The following SIN3B variants were observed in gnomAD, a reference collection of about 807,000 sequenced individuals.
SIN3B encodes the protein SIN3 transcription regulator family member B, also known as paired amphipathic helix protein Sin3b.
In SIN3B, 19 loss-of-function variants were observed where a neutral mutation model predicts 120.2. That is an observed-to-expected ratio of 0.16 (90% CI 0.11 to 0.23). SIN3B has a LOEUF of 0.23. Ranked by LOEUF, SIN3B falls within the 10% of genes least tolerant of loss-of-function variation. The probability of loss-of-function intolerance (pLI) is 1.00; values close to 1 mark genes in which losing one functional copy is unlikely to be tolerated. For synonymous variants in SIN3B, 654 were observed against 653.2 expected (o/e 1.00, Z -0.02); for missense variants, 1,073 against 1,573.0 (o/e 0.68, Z 5.38).
At position 16,862,399 on chromosome 19, in the gene SIN3B, A is replaced by G; in HGVS notation, c.1106A>G (p.Lys369Arg). 6.2e-7 allele frequency: 1 copy of G among 1,614,154 alleles called. No individual in the cohort carries two copies. The highest frequency in any genetic ancestry group is 1.1e-5 in the South Asian group (1 of 91,072). ...FAQFKSFLGV[K>R]ELSFAPPMSD... ...CAGTTCAAGTCCTTCCTGGGGGTAA[A>G]AGAGCTGTCCTTCGCGCCACCCATG... Residue 369 changes from lysine to arginine, a missense_variant, in exon 9 of 19, where the codon AAA becomes AGA. Lys to Arg is a conservative substitution (Grantham distance 26). Around this residue, in one of 7 missense-constraint regions of SIN3B, gnomAD observed 395 missense variants for 528.0 expected, o/e 0.75. Coordinates refer to ENST00000248054, the MANE Select transcript of SIN3B (RefSeq NM_001297595.2). The surrounding 1 kb of genome is among the most constrained non-coding windows in gnomAD (Gnocchi z 4.7).
chr19:16,863,870 C>A, intron 10 of SIN3B, 74 bp downstream of exon 10: 1 of 1,018,596 alleles, frequency 9.8e-7, no homozygotes, highest in African/African-American at 1.6e-5. Flanking sequence ...CATCCTGATC[C>A]TCCTCCACTG....
At chr19:16,866,280 A>C (rs1339237772) in intron 11 of SIN3B, 93 bp from the exon 12 acceptor site, 3 of 1,306,336 alleles carry the variant, frequency 2.3e-6, no homozygotes, top group Non-Finnish European at 3.2e-6. Context: ...CTGGACCCCC[A>C]GTCAAGTCCC....
intron 17 of SIN3B, 65 bp from the exon 18 acceptor site, chr19:16,878,118 A>G: frequency 7.3e-7 from 1 of 1,375,700 alleles, no homozygotes; most frequent in Non-Finnish European, 9.8e-7. Context: ...GGGGTTTCCC[A>G]GCCTGCAAAT....
chr19:16,871,942 C>T (rs1322055379), intron 14 of SIN3B, among the ~76,000 whole-genome samples: 1 of 152,146 alleles, frequency 6.6e-6, no homozygotes, highest in Non-Finnish European at 1.5e-5. Context: ...ATGGAAAAAA[C>T]CTTAACCCAC....
In SIN3B at chr19:16,871,300, G is replaced by T; in HGVS notation, c.2494G>T (p.Asp832Tyr). The T allele has an allele frequency of 6.2e-7, 1 of 1,614,132 alleles. No individual in the cohort carries two copies. Among genetic ancestry groups the T allele is most frequent in the Non-Finnish European group, 8.5e-7 (1 of 1,180,022 alleles). The change falls in exon 14 of 19, where the codon GAC (aspartate) becomes TAC (tyrosine). Residue 832 changes from aspartate to tyrosine, a missense_variant. This residue lies in a region of SIN3B where 24 missense variants were observed against 65.7 expected (regional missense o/e 0.37). Coordinates refer to ENST00000248054, the MANE Select transcript of SIN3B (RefSeq NM_001297595.2). ...GCGGAGCCTGCTGGAGGGCAGCATC[G>T]ACCCCACGCAGTACGAGGACACCCT... The part of the protein sequence containing the change: ...MVRSLLEGSI[D>Y]PTQYEDTLRE...
At chr19:16,875,906 A>G (rs1286462066) in intron 14 of SIN3B, 149 bp from the exon 15 acceptor site, 5 of 974,480 alleles carry the variant, frequency 5.1e-6, no homozygotes, top group East Asian at 5.3e-5. Flanking sequence ...TGGTCTGCCC[A>G]CAGCCTGTCA....
rs552359041 is a variant in SIN3B, at chr19:16,851,382, G to C, written c.727-30G>C. ...GTGCATGGGTCCAGCCACGTCTCCG[G>C]TGCTGACCACCTCCCACATGTGTCC... On this transcript the variant is annotated intron_variant, in intron 5 of 18. Coordinates refer to ENST00000248054, the MANE Select transcript of SIN3B (RefSeq NM_001297595.2). 32 of 1,560,400 alleles carry C rather than the reference G, an allele frequency of 2.1e-5. No homozygotes were observed. In the South Asian group the frequency reaches 3.7e-4, roughly 18 times the overall value.
rs962533504 is a variant in SIN3B, at chr19:16,871,480, C to T, written c.2592+82C>T. On this transcript the variant is annotated intron_variant, in intron 14 of 18. Coordinates refer to ENST00000248054, the MANE Select transcript of SIN3B (RefSeq NM_001297595.2). ...ATTTCACTCCCCGCTCGGGAGGGGG[C>T]CCGTGGTCAGCACAGCAAACCTATC... 7 of 1,358,532 alleles carry T rather than the reference C, an allele frequency of 5.2e-6. No individual in the cohort carries two copies. The Admixed American group carries it at 1.2e-4, about 23-fold the overall frequency. 84.2% of individuals were successfully genotyped at this position (1,358,532 alleles called of 1,614,324 possible). A position where few individuals can be genotyped will look rare whatever the true frequency, so the allele number is the denominator to read the frequency against.
chr19:16,864,559 T>C (rs933468420), intron 10 of SIN3B, among the ~76,000 whole-genome samples: 3 of 151,932 alleles, frequency 2.0e-5, no homozygotes, highest in East Asian at 2.0e-4. Context: ...CTCACACTCC[T>C]GGCCTCAAGC....
intron 14 of SIN3B, chr19:16,872,409 A>G (rs925503281): frequency 4.0e-5 from 6 of 151,362 alleles, no homozygotes; most frequent in African/African-American, 1.2e-4. Context: ...CCTGCCACCC[A>G]TGGACACCCA....
intron 7 of SIN3B, among the ~76,000 whole-genome samples, chr19:16,853,467 C>T (rs1971570829): frequency 6.6e-6 from 1 of 152,242 alleles, no homozygotes. Context: ...GTAGGGTTCC[C>T]GCCCAGGGTC....
At chr19:16,848,641 A>G (rs1971508328) in intron 5 of SIN3B, among the ~76,000 whole-genome samples, 1 of 152,068 alleles carries the variant, frequency 6.6e-6, no homozygotes, top group Non-Finnish European at 1.5e-5. Flanking sequence ...AGCTGGGACT[A>G]CAGACACCAC....
rs1336163945 is a variant in SIN3B at position 16,831,537 on chromosome 19, C to G, written c.271C>G (p.His91Asp). The change falls in exon 3 of 19, where the codon CAC (histidine) becomes GAC (aspartate). Residue 91 changes from histidine (H) to aspartate (D), a missense_variant. By Grantham distance (81) the His-to-Asp change is moderately conservative. This residue lies in a region of SIN3B where 395 missense variants were observed against 528.0 expected (regional missense o/e 0.75). Transcript: ENST00000248054. ...CATCAGACGTGTCTCGCAGCTCTTC[C>G]ACGAGCACCCTGACCTCATTGTTGG... ...GVIRRVSQLFHEHPDLIVGFN... is the reference protein window; with the variant it reads ...GVIRRVSQLFDEHPDLIVGFN... 6.2e-7 allele frequency: 1 copy of G among 1,614,082 alleles called. No homozygotes were observed. Among genetic ancestry groups the G allele is most frequent in the Non-Finnish European group, 8.5e-7 (1 of 1,179,954 alleles).
chr19:16,857,967 C>T (rs984564195), intron 8 of SIN3B, among the ~76,000 whole-genome samples: 2 of 152,182 alleles, frequency 1.3e-5, no homozygotes, highest in African/African-American at 2.4e-5. Flanking sequence ...ACCTCTGTCT[C>T]CCAGGTTCAA....
At chr19:16,869,315 G>A in intron 12 of SIN3B, 145 bp from the exon 13 acceptor site, 1 of 1,047,128 alleles carries the variant, frequency 9.5e-7, no homozygotes, top group African/African-American at 1.6e-5. Context: ...AGGCCCTGCT[G>A]CCTCACCGAT....
At chr19:16,830,160 T>A (rs561135421) in intron 2 of SIN3B, among the ~76,000 whole-genome samples, 1 of 152,194 alleles carries the variant, frequency 6.6e-6, no homozygotes, top group Non-Finnish European at 1.5e-5. Flanking sequence ...ACTCATAGAG[T>A]CAAATCCTGC....
At chr19:16,851,076 A>T (rs1487259474) in intron 5 of SIN3B, among the ~76,000 whole-genome samples, 2 of 74,720 alleles carry the variant, frequency 2.7e-5, no homozygotes, top group African/African-American at 1.2e-4. Flanking sequence ...ACACGGCGAG[A>T]TGCCCCACCA....
chr19:16,875,076 G>T (rs1043443072), intron 14 of SIN3B, among the ~76,000 whole-genome samples: 13 of 150,932 alleles, frequency 8.6e-5, no homozygotes, highest in Middle Eastern at 6.9e-3. Flanking sequence ...GTTTTGGTTT[G>T]GTCTGGTCTG....
In SIN3B at chr19:16,829,442, A is replaced by T; in HGVS notation, c.22A>T (p.Ser8Cys). The change falls in exon 1 of 19, where the codon AGC becomes TGC. Residue 8 changes from serine (S) to cysteine (C), a missense_variant. Physicochemically the swap from Ser to Cys is moderately radical, Grantham distance 112. Around this residue, in one of 7 missense-constraint regions of SIN3B, gnomAD observed 395 missense variants for 528.0 expected, o/e 0.75. Coordinates refer to ENST00000248054, the MANE Select transcript of SIN3B (RefSeq NM_001297595.2). MAHAGGG[S>C]GGSGAGGPAG... ...GGACATGGCGCACGCTGGCGGTGGC[A>T]GCGGTGGCAGCGGTGCCGGCGGCCC... 8.3e-7 allele frequency: 1 copy of T among 1,211,184 alleles called. No homozygotes were observed. The highest frequency in any genetic ancestry group is 1.0e-6 in the Non-Finnish European group (1 of 974,468). The allele number at this position is 1,211,184 out of a possible 1,614,324, so 75.0% of individuals were successfully genotyped here. A position where few individuals can be genotyped will look rare whatever the true frequency, so the allele number is the denominator to read the frequency against.
Sources: allele counts gnomAD v4.1 joint callset (sites outside exome capture counted in the v4.1 genomes callset), GRCh38; gene constraint gnomAD v4.1.1; regional missense constraint gnomAD v4.1.1; non-coding constraint Gnocchi (gnomAD v3.1); transcripts MANE v1.5; gene names NCBI Gene and HGNC (gene_info 2026-07-23, HGNC 2026-07-21).